The following MTERF4 variants were observed in gnomAD, a reference collection of about 807,000 sequenced individuals.
The protein encoded by MTERF4 is transcription termination factor 4, mitochondrial.
Under a neutral mutation model 22.5 loss-of-function variants are expected in MTERF4, and 17 were observed. The observed-to-expected ratio is 0.75, with a 90% CI of 0.52 to 1.13. The LOEUF (loss-of-function observed/expected upper bound fraction) is 1.13, where lower values mean the gene tolerates loss of function less well. MTERF4 is among the 50% of genes most tolerant of loss of function. MTERF4 has a pLI of 0.00. For missense variants in MTERF4, 420 were observed against 466.8 expected, an observed-to-expected ratio of 0.90 and a Z score of 0.92; for synonymous variants, 165 against 175.3, an observed-to-expected ratio of 0.94 and a Z score of 0.47.
chr2:241,070,636 G>A (rs997064189), downstream of MTERF4, among the ~76,000 whole-genome samples: 9 of 152,220 alleles, frequency 5.9e-5, no homozygotes, highest in Admixed American at 2.6e-4. Flanking sequence ...AGGCAGGAAT[G>A]CTGGGGAGCA....
At chr2:241,051,881 G>C in the MTERF4 span, 1 of 1,521,432 alleles carries the variant, frequency 6.6e-7, no homozygotes, top group South Asian at 1.3e-5. This position sits in a 1 kb window ranked among gnomAD's most constrained non-coding sequence, Gnocchi z 4.7. Context: ...CAGGGGCAGG[G>C]GGGAGGGCAG....
At chr2:241,065,402 T>TGGCTAC in the MTERF4 span, 2 of 1,613,046 alleles carry the variant, frequency 1.2e-6, no homozygotes, top group African/African-American at 1.3e-5. Context: ...AGATGCTTGA[T>TGGCTAC]GGCTACGCGG....
chr2:241,081,465 T>A (rs574695310), intron 4 of MTERF4, among the ~76,000 whole-genome samples: 46 of 152,336 alleles, frequency 3.0e-4, no homozygotes, highest in African/African-American at 1.1e-3. Flanking sequence ...CCGAGCACAC[T>A]GCGGCCTGTC....
chr2:241,083,641 G>A (rs1575123267), downstream of MTERF4, among the ~76,000 whole-genome samples: 1 of 152,290 alleles, frequency 6.6e-6, no homozygotes, highest in African/African-American at 2.4e-5. Context: ...CACAGTATCT[G>A]CCATCTTCCC....
At chr2:241,065,451 G>C in the MTERF4 span, 1 of 1,613,056 alleles carries the variant, frequency 6.2e-7, no homozygotes, top group Non-Finnish European at 8.5e-7. Context: ...CCGCCGCACA[G>C]ACTTTGTGGA....
chr2:241,095,986 C>G lies in MTERF4; in HGVS notation c.*12G>C. On this transcript the variant is annotated 3_prime_UTR_variant, in exon 4 of 4. Coordinates refer to ENST00000391980, the MANE Select transcript of MTERF4 (RefSeq NM_182501.4). ...ATCTCTGGGCCCTTTCGCTCTAGTCCTTCCATCACAGCTATTCCTCCTCGT... is the reference window on the plus strand; with the variant it reads ...ATCTCTGGGCCCTTTCGCTCTAGTCGTTCCATCACAGCTATTCCTCCTCGT... 1 of 1,612,400 alleles carries G rather than the reference C, an allele frequency of 6.2e-7. No homozygotes were observed. Among genetic ancestry groups the G allele is most frequent in the Non-Finnish European group, 8.5e-7 (1 of 1,178,766 alleles).
At chr2:241,059,565 A>G in the MTERF4 span, among the ~76,000 whole-genome samples, 1 of 152,246 alleles carries the variant, frequency 6.6e-6, no homozygotes, top group South Asian at 2.1e-4. Flanking sequence ...GCTCAGTACT[A>G]TATAAAAGAA....
the MTERF4 span, chr2:241,048,360 A>G: frequency 1.2e-6 from 2 of 1,611,624 alleles, no homozygotes; most frequent in African/African-American, 1.3e-5. Flanking sequence ...CCTTGCCACA[A>G]TGGGGGCACC....
chr2:241,099,454 C>T lies in MTERF4; in HGVS notation c.462G>A (p.Leu154=), dbSNP rs936365431. 10 of 1,614,206 alleles carry T rather than the reference C, an allele frequency of 6.2e-6. No individual in the cohort carries two copies. Among genetic ancestry groups the T allele is most frequent in the Non-Finnish European group, 8.5e-6 (10 of 1,180,044 alleles). Residue 154 remains leucine, a synonymous_variant, in exon 2 of 4, where the codon CTG becomes CTA. Transcript: ENST00000391980. The part of the protein sequence containing the change: ...VLKKSPQLLK[L]PIMQMRKRSS... Reference sequence around the variant, plus strand: ...AGCGCTTCCTCATTTGCATAATAGGCAGTTTCAATAACTGGGGACTTTTCT... The same window carrying T: ...AGCGCTTCCTCATTTGCATAATAGGTAGTTTCAATAACTGGGGACTTTTCT...
chr2:241,089,504 C>A, downstream of MTERF4: 1 of 1,422,334 alleles, frequency 7.0e-7, no homozygotes, highest in Non-Finnish European at 9.4e-7. Flanking sequence ...GCCGGAGCTC[C>A]GCACATGGCA....
At chr2:241,082,666 A>G (rs1478613271), downstream of MTERF4, among the ~76,000 whole-genome samples, 1 of 152,214 alleles carries the variant, frequency 6.6e-6, no homozygotes, top group East Asian at 1.9e-4. Flanking sequence ...TGGATGGCAG[A>G]GCCAACTGAT....
chr2:241,055,032 G>A, the MTERF4 span, among the ~76,000 whole-genome samples: 1 of 152,036 alleles, frequency 6.6e-6, no homozygotes, highest in Admixed American at 6.6e-5. Context: ...CAGGAGAATC[G>A]CTTGAGCCTG....
At chr2:241,097,832 A>G (rs1043794273) in intron 2 of MTERF4, among the ~76,000 whole-genome samples, 1 of 152,212 alleles carries the variant, frequency 6.6e-6, no homozygotes, top group Admixed American at 6.5e-5. Context: ...TTCTATAATA[A>G]AATAGTCATT....
chr2:241,086,834 G>A (rs2063607186), downstream of MTERF4, among the ~76,000 whole-genome samples: 1 of 152,228 alleles, frequency 6.6e-6, no homozygotes, highest in Non-Finnish European at 1.5e-5. Flanking sequence ...CTACAAACTT[G>A]TAAGAGAGAT....
At chr2:241,063,381 G>GA in the MTERF4 span, 1 of 598,056 alleles carries the variant, frequency 1.7e-6, no homozygotes, top group South Asian at 1.8e-5. Flanking sequence ...CCTGGAGGTG[G>GA]GGCTTTGCCA....
At chr2:241,052,559 C>A in the MTERF4 span, 1 of 1,009,138 alleles carries the variant, frequency 9.9e-7, no homozygotes, top group African/African-American at 1.7e-5. Flanking sequence ...ACATGGGATA[C>A]CAGTGCCAGG....
At chr2:241,053,860 G>A in the MTERF4 span, among the ~76,000 whole-genome samples, 2 of 152,308 alleles carry the variant, frequency 1.3e-5, no homozygotes, top group Admixed American at 1.3e-4. Context: ...TGGAGAAGTA[G>A]GGCCATTAAC....
the MTERF4 span, among the ~76,000 whole-genome samples, chr2:241,067,121 G>A: frequency 2.6e-5 from 4 of 152,208 alleles, no homozygotes; most frequent in Non-Finnish European, 4.4e-5. Flanking sequence ...GACAGAGCCC[G>A]CCCTGCCCGC....
chr2:241,049,785 C>T, the MTERF4 span: 12 of 1,560,044 alleles, frequency 7.7e-6, no homozygotes, highest in East Asian at 2.7e-4. Flanking sequence ...GCGGCGTAAG[C>T]TCCAGGACCA....
Sources: gnomAD v4.1 joint callset for allele counts (sites outside exome capture counted in the v4.1 genomes callset) on GRCh38, gnomAD v4.1.1 for gene constraint, Gnocchi (gnomAD v3.1) non-coding constraint, MANE v1.5 for transcripts, NCBI Gene and HGNC (gene_info 2026-07-23, HGNC 2026-07-21) for gene names.